Variants in GRID2 observed in about 807,000 individuals in gnomAD.
GRID2 encodes the protein glutamate receptor ionotropic, delta-2.
A neutral mutation model predicts 114.8 loss-of-function variants in GRID2; 33 were observed. The ratio of observed to expected loss-of-function variants is 0.29; its 90% confidence interval spans 0.22 to 0.38. The LOEUF (loss-of-function observed/expected upper bound fraction) is 0.38, where lower values mean the gene tolerates loss of function less well. GRID2 is among the 10% of genes least tolerant of loss of function. The pLI is 1.00. For synonymous variants in GRID2, 505 were observed against 449.9 expected, an observed-to-expected ratio of 1.12 and a Z score of -1.55; for missense variants, 1,184 against 1,257.7, an observed-to-expected ratio of 0.94 and a Z score of 0.89.
intron 4 of GRID2, among the ~76,000 whole-genome samples, chr4:93,132,135 C>G: frequency 6.6e-6 from 1 of 152,088 alleles, no homozygotes; most frequent in East Asian, 1.9e-4. Context: ...TAACATAGCA[C>G]AGTATAGGCC....
intron 8 of GRID2, among the ~76,000 whole-genome samples, chr4:93,322,228 G>A (rs1757307615): frequency 6.6e-6 from 1 of 151,946 alleles, no homozygotes. Context: ...CCCAGTGTGT[G>A]ATGTTCCCCT....
At chr4:92,642,839 G>T (rs1377344224) in intron 2 of GRID2, among the ~76,000 whole-genome samples, 1 of 151,544 alleles carries the variant, frequency 6.6e-6, no homozygotes, top group South Asian at 2.1e-4. Context: ...TTTGTATATG[G>T]TAAAATTTAA....
At chr4:93,353,915 C>CA (rs1412891272) in intron 8 of GRID2, among the ~76,000 whole-genome samples, 1 of 151,902 alleles carries the variant, frequency 6.6e-6, no homozygotes, top group African/African-American at 2.4e-5. Flanking sequence ...TAGGCACCTA[C>CA]AAACTTTGAT....
intron 2 of GRID2, among the ~76,000 whole-genome samples, chr4:92,630,056 T>G (rs62307955): frequency 0.056 from 8,442 of 151,944 alleles, 304 homozygotes; most frequent in East Asian, 0.16. Context: ...TGATAAAATG[T>G]TGTTTTATTC....
intron 1 of GRID2, among the ~76,000 whole-genome samples, chr4:92,588,247 A>C (rs1728543625): frequency 1.3e-5 from 2 of 152,160 alleles, no homozygotes; most frequent in African/African-American, 2.4e-5. Flanking sequence ...TAGATTAAAA[A>C]GCATTATCTG....
Position 93,216,749 on chromosome 4 carries a change from T to A in GRID2, c.801T>A (p.Asp267Glu). 2 of 1,606,084 alleles carry A rather than the reference T, an allele frequency of 1.2e-6. No homozygotes were observed. Among genetic ancestry groups the A allele is most frequent in the Non-Finnish European group, 1.7e-6 (2 of 1,173,062 alleles). Residue 267 changes from aspartate (D) to glutamate (E), a missense_variant, in exon 6 of 16, where the codon GAT (aspartate) becomes GAA (glutamate). Coordinates refer to ENST00000282020, the MANE Select transcript of GRID2 (RefSeq NM_001510.4). ...HWIIINEEIN[D>E]VDVQELVRRS... ...CTCTTATCTTATAGGAAATAAACGA[T>A]GTGGACGTACAGGAACTTGTAAGAA...
chr4:93,084,996 C>T lies in GRID2; in HGVS notation c.246C>T (p.Ala82=). The T allele has an allele frequency of 6.2e-7, 1 of 1,613,194 alleles. No homozygotes were observed. Residue 82 remains alanine, a splice_region_variant and synonymous_variant, in exon 3 of 16, where the codon GCC becomes GCT. Transcript: ENST00000282020. ...GAATATTACTGTGCTTTCTTGCAGC[C>T]TGTGAACTTATGAATCAAGGCATCT... The part of the protein sequence containing the change: ...GNNPFQAVQE[A]CELMNQGILA...
At chr4:93,084,168 A>ATTAC (rs1341803153) in intron 2 of GRID2, among the ~76,000 whole-genome samples, 1 of 151,808 alleles carries the variant, frequency 6.6e-6, no homozygotes, top group Non-Finnish European at 1.5e-5. Context: ...ATTATGAAAC[A>ATTAC]TTACCTCTTC....
intron 1 of GRID2, among the ~76,000 whole-genome samples, chr4:92,360,376 G>T (rs1033946983): frequency 2.6e-5 from 4 of 151,910 alleles, no homozygotes; most frequent in African/African-American, 9.7e-5. Context: ...GGATTAGCCT[G>T]TGTGCTGCTG....
chr4:93,275,375 C>T (rs1751937161), intron 8 of GRID2, among the ~76,000 whole-genome samples: 1 of 151,440 alleles, frequency 6.6e-6, no homozygotes, highest in Non-Finnish European at 1.5e-5. Flanking sequence ...CTGTTATGAA[C>T]TTTGTGAGCA....
At chr4:92,330,394 AG>A (rs765288309) in intron 1 of GRID2, among the ~76,000 whole-genome samples, 63 of 152,216 alleles carry the variant, frequency 4.1e-4, no homozygotes, top group Middle Eastern at 3.4e-3. Context: ...TTTTAGTAGT[AG>A]TGACCTCTGT....
intron 2 of GRID2, among the ~76,000 whole-genome samples, chr4:92,658,810 TATATATATACAC>T (rs1732377214): frequency 6.9e-6 from 1 of 145,618 alleles, no homozygotes; most frequent in African/African-American, 2.5e-5. Flanking sequence ...TATATATATA[TATATATATACAC>T]ACACACAATC....
chr4:92,500,233 A>G (rs1723608669), intron 1 of GRID2, among the ~76,000 whole-genome samples: 1 of 151,944 alleles, frequency 6.6e-6, no homozygotes, highest in Non-Finnish European at 1.5e-5. Context: ...CAATATCAGC[A>G]TTGTTTTCAC....
rs34215461 is a variant in GRID2 at position 93,131,145 on chromosome 4, A to ATTTTTTTT, written c.735+20209_735+20216dup. ...AGAACTTCCATGAAAAGATTAAATA[A>ATTTTTTTT]TTTTTTTTTTTTTTTTTTTTTTTTG... On this transcript the variant is annotated intron_variant, in intron 4 of 15. Transcript: ENST00000282020. Among the ~76,000 whole-genome samples, 182 of 88,732 alleles carry ATTTTTTTT rather than the reference A, an allele frequency of 2.1e-3. 23 individuals carry two copies. The highest frequency in any genetic ancestry group is 8.6e-3 in the African/African-American group (164 of 19,052). The allele number at this position is 88,732 out of a possible 152,430, so 58.2% of individuals were successfully genotyped here.
chr4:92,786,572 C>G (rs769650967), intron 2 of GRID2, among the ~76,000 whole-genome samples: 6 of 151,758 alleles, frequency 4.0e-5, no homozygotes, highest in Non-Finnish European at 8.8e-5. Context: ...GGACCCTTCC[C>G]CCTTGCAAAT....
intron 8 of GRID2, among the ~76,000 whole-genome samples, chr4:93,391,888 T>C (rs893142177): frequency 6.6e-6 from 1 of 152,164 alleles, no homozygotes; most frequent in Admixed American, 6.6e-5. Flanking sequence ...AAGATTATTA[T>C]TGCCAAAGCT....
intron 13 of GRID2, among the ~76,000 whole-genome samples, chr4:93,557,551 T>A (rs1292118506): frequency 6.6e-6 from 1 of 152,184 alleles, no homozygotes; most frequent in Non-Finnish European, 1.5e-5. Context: ...ATCCTACATA[T>A]ATATGCACCC....
chr4:92,631,677 T>A (rs909634797), intron 2 of GRID2, among the ~76,000 whole-genome samples: 2 of 152,170 alleles, frequency 1.3e-5, no homozygotes, highest in Non-Finnish European at 2.9e-5. Context: ...GAACAAAACA[T>A]GTTTTTAACA....
intron 5 of GRID2, among the ~76,000 whole-genome samples, chr4:93,212,576 A>T (rs147125455): frequency 2.0e-5 from 3 of 152,266 alleles, no homozygotes; most frequent in South Asian, 4.1e-4. Context: ...AGATAGGAAG[A>T]CGTGCACTGT....
Sources: allele counts gnomAD v4.1 joint callset (sites outside exome capture counted in the v4.1 genomes callset), GRCh38; gene constraint gnomAD v4.1.1; transcripts MANE v1.5; gene names NCBI Gene and HGNC (gene_info 2026-07-23, HGNC 2026-07-21).